Variants in TENT5D observed in about 807,000 individuals in gnomAD.
The protein encoded by TENT5D is terminal nucleotidyltransferase 5D, also known as cancer/testis antigen 112.
For synonymous variants in TENT5D, 103 were observed against 100.6 expected (o/e 1.02, Z -0.15); for missense variants, 191 against 287.0 (o/e 0.67, Z 2.42).
chrX:80,426,311 T>C (rs973290448), intron 1 of TENT5D, among the ~76,000 whole-genome samples: 1 of 111,539 alleles, frequency 9.0e-6, no homozygotes, highest in Admixed American at 9.6e-5. Flanking sequence ...ACTTAAAAAT[T>C]TGAAAAATCA....
chrX:80,416,019 A>T (rs1569370955), upstream of TENT5D, among the ~76,000 whole-genome samples: 1 of 111,108 alleles, frequency 9.0e-6, no homozygotes, highest in African/African-American at 3.3e-5. Flanking sequence ...GTTCAATCTC[A>T]GTTGTTGTAT....
intron 3 of TENT5D, among the ~76,000 whole-genome samples, chrX:80,407,572 C>A (rs1235272668): frequency 9.4e-6 from 1 of 106,690 alleles, no homozygotes; most frequent in Admixed American, 9.9e-5. Context: ...ATATATGCAC[C>A]CAATACAGGA....
rs1929945124 is a variant in TENT5D, at chrX:80,340,902, A to G, written c.-206-1598A>G. On this transcript the variant is annotated intron_variant, in intron 2 of 4. Transcript: ENST00000538312. Reference sequence around the variant, plus strand: ...ACATTAAACCAACAGACAAATGATGACAATAGCAACAGAAATATCTTTCAG... The same window carrying G: ...ACATTAAACCAACAGACAAATGATGGCAATAGCAACAGAAATATCTTTCAG... 3.6e-5 allele frequency among the ~76,000 whole-genome samples: 4 copies of G among 112,564 alleles called. No homozygotes were observed. In the South Asian group the frequency reaches 1.5e-3, roughly 41 times the overall value.
At chrX:80,443,107 A>G in exon 3 of TENT5D, 2 of 1,211,200 alleles carry the variant, frequency 1.7e-6, no homozygotes, top group Non-Finnish European at 2.2e-6. Context: ...CTACAGTGAC[A>G]AAAATGCCAA....
chrX:80,415,719 C>T (rs1317756762), upstream of TENT5D, among the ~76,000 whole-genome samples: 1 of 111,536 alleles, frequency 9.0e-6, no homozygotes, highest in Non-Finnish European at 1.9e-5. Flanking sequence ...AGGATTTTTG[C>T]ATCCATGTTT....
At chrX:80,336,582 CT>C (rs776797169) in intron 2 of TENT5D, among the ~76,000 whole-genome samples, 2 of 108,133 alleles carry the variant, frequency 1.8e-5, no homozygotes, top group Non-Finnish European at 3.8e-5. Flanking sequence ...TGGAGAACTT[CT>C]TTTGGTATAA....
chrX:80,392,008 T>G (rs1931137736), intron 3 of TENT5D, among the ~76,000 whole-genome samples: 1 of 112,395 alleles, frequency 8.9e-6, no homozygotes, highest in African/African-American at 3.2e-5. Context: ...AGGCCTAGGA[T>G]TTTTATCATG....
At chrX:80,416,736 A>G (rs540643573), upstream of TENT5D, among the ~76,000 whole-genome samples, 125 of 110,490 alleles carry the variant, frequency 1.1e-3, no homozygotes, top group Middle Eastern at 0.018. Flanking sequence ...TGTGTGGTCA[A>G]TTTTAGAGTA....
chrX:80,403,341 T>G (rs2172726), intron 3 of TENT5D, among the ~76,000 whole-genome samples: 61,353 of 110,597 alleles, frequency 0.55, 13,647 homozygotes, highest in Non-Finnish European at 0.71. Flanking sequence ...CTTAAGACAT[T>G]GTTATTTACC....
exon 3 of TENT5D, chrX:80,443,619 G>T (rs1932331164): frequency 2.5e-6 from 3 of 1,210,302 alleles, no homozygotes; most frequent in East Asian, 5.9e-5. Flanking sequence ...CTGAGGCAAG[G>T]TACCCTATTT....
intron 3 of TENT5D, among the ~76,000 whole-genome samples, chrX:80,375,900 T>G (rs191092565): frequency 8.9e-6 from 1 of 112,022 alleles, no homozygotes; most frequent in African/African-American, 3.2e-5. Context: ...TTGATGATTC[T>G]GGTGAAATGG....
intron 3 of TENT5D, among the ~76,000 whole-genome samples, chrX:80,413,591 G>A (rs1171056686): frequency 1.8e-5 from 2 of 111,729 alleles, no homozygotes; most frequent in Non-Finnish European, 3.8e-5. Flanking sequence ...AGTCTCCCAA[G>A]ATCTGATGGG....
intron 3 of TENT5D, among the ~76,000 whole-genome samples, chrX:80,353,358 A>G (rs1341026738): frequency 9.0e-6 from 1 of 111,545 alleles, no homozygotes; most frequent in Admixed American, 9.5e-5. Context: ...AGTTTGGTTT[A>G]CATATTATTT....
At chrX:80,386,332 C>T (rs914013139) in intron 3 of TENT5D, among the ~76,000 whole-genome samples, 2 of 110,784 alleles carry the variant, frequency 1.8e-5, no homozygotes, top group Admixed American at 9.7e-5. Flanking sequence ...GGCATGTTCT[C>T]ACTCATAGGT....
At chrX:80,397,013 T>G (rs868399503) in intron 3 of TENT5D, among the ~76,000 whole-genome samples, 116 of 31,036 alleles carry the variant, frequency 3.7e-3, no homozygotes, top group Non-Finnish European at 4.5e-3. Flanking sequence ...GGACGGGGCG[T>G]CTGGCCGGGG....
intron 3 of TENT5D, among the ~76,000 whole-genome samples, chrX:80,381,729 C>T (rs2147531989): frequency 8.9e-6 from 1 of 112,070 alleles, no homozygotes; most frequent in African/African-American, 3.2e-5. Context: ...CACTGATACC[C>T]TTTCTTCCAC....
intron 1 of TENT5D, among the ~76,000 whole-genome samples, chrX:80,425,235 C>A (rs1372028518): frequency 8.9e-6 from 1 of 112,458 alleles, no homozygotes; most frequent in Non-Finnish European, 1.9e-5. Flanking sequence ...AGGAACCAGG[C>A]AGAGAGAAAC....
rs752944984 is a variant in TENT5D at position 80,410,490 on chromosome X, A to G, written c.-141-28120A>G. 1.4e-4 allele frequency among the ~76,000 whole-genome samples: 13 copies of G among 92,764 alleles called. No individual in the cohort carries two copies. In the East Asian group the frequency reaches 4.5e-3, roughly 32 times the overall value. The allele number at this position is 92,764 out of a possible 115,157, so 80.6% of individuals were successfully genotyped here. On this transcript the variant is annotated intron_variant, in intron 3 of 4. Coordinates refer to the TENT5D transcript ENST00000538312. Reference sequence around the variant, plus strand: ...TTTATGCAGCCAAAAAACACATGAAAAAATGCTCACCATCACTGGCCATCA... The same window carrying G: ...TTTATGCAGCCAAAAAACACATGAAGAAATGCTCACCATCACTGGCCATCA...
chrX:80,413,237 TC>T (rs1263282127), intron 3 of TENT5D, among the ~76,000 whole-genome samples: 1 of 112,447 alleles, frequency 8.9e-6, no homozygotes, highest in African/African-American at 3.2e-5. Context: ...TCTCTATATT[TC>T]TGATTAAGTA....
Sources: allele counts gnomAD v4.1 joint callset (sites outside exome capture counted in the v4.1 genomes callset), GRCh38; gene constraint gnomAD v4.1.1; transcripts MANE v1.5; gene names NCBI Gene and HGNC (gene_info 2026-07-23, HGNC 2026-07-21).